Variants in BCR observed in about 807,000 individuals in gnomAD.
The protein encoded by BCR is breakpoint cluster region protein.
A neutral mutation model predicts 138.6 loss-of-function variants in BCR; 58 were observed. That is an observed-to-expected ratio of 0.42 (90% CI 0.34 to 0.52). The LOEUF (loss-of-function observed/expected upper bound fraction) is 0.52. Ranked by LOEUF, BCR falls within the 20% of genes least tolerant of loss-of-function variation. The pLI, the probability that BCR is intolerant of heterozygous loss-of-function variation, is 0.06. For synonymous variants in BCR, 786 were observed against 730.1 expected (o/e 1.08, Z -1.23); for missense variants, 1,599 against 1,727.2 (o/e 0.93, Z 1.32).
intron 1 of BCR, among the ~76,000 whole-genome samples, chr22:23,250,488 C>G (rs1568954739): frequency 6.6e-6 from 1 of 152,148 alleles, no homozygotes; most frequent in Admixed American, 6.5e-5. Flanking sequence ...CTGGCCCGAC[C>G]AAAAACAAAA....
intron 1 of BCR, among the ~76,000 whole-genome samples, chr22:23,246,855 T>C (rs1381002605): frequency 1.3e-5 from 2 of 152,050 alleles, no homozygotes; most frequent in Non-Finnish European, 2.9e-5. Flanking sequence ...TTCCCTGACC[T>C]TACCTGAGGT....
intron 1 of BCR, among the ~76,000 whole-genome samples, chr22:23,242,529 T>G (rs990005472): frequency 3.3e-5 from 5 of 152,238 alleles, no homozygotes; most frequent in Non-Finnish European, 7.3e-5. Flanking sequence ...CCAGCCTTTC[T>G]GCATTTGTAA....
At chr22:23,245,663 C>T (rs1160537479) in intron 1 of BCR, among the ~76,000 whole-genome samples, 3 of 152,084 alleles carry the variant, frequency 2.0e-5, no homozygotes, top group Non-Finnish European at 2.9e-5. Flanking sequence ...CACACATCTC[C>T]GAAAGCACTC....
At chr22:23,284,557 G>C (rs1018467362) in intron 9 of BCR, among the ~76,000 whole-genome samples, 2 of 152,198 alleles carry the variant, frequency 1.3e-5, no homozygotes, top group African/African-American at 4.8e-5. Context: ...CACTGGGAAG[G>C]ACCAGCACGG....
At chr22:23,274,863 TC>T (rs2073554509) in intron 8 of BCR, among the ~76,000 whole-genome samples, 1 of 123,540 alleles carries the variant, frequency 8.1e-6, no homozygotes, top group African/African-American at 3.1e-5. Context: ...AGCCGAGATC[TC>T]ACCACTGCAC....
chr22:23,228,600 C>T (rs1043692521), intron 1 of BCR, among the ~76,000 whole-genome samples: 1 of 152,116 alleles, frequency 6.6e-6, no homozygotes, highest in African/African-American at 2.4e-5. Flanking sequence ...TTTATTTTGC[C>T]TTCATTCCTG....
intron 1 of BCR, among the ~76,000 whole-genome samples, chr22:23,250,458 G>C (rs1268274685): frequency 6.6e-6 from 1 of 152,226 alleles, no homozygotes; most frequent in Non-Finnish European, 1.5e-5. Context: ...GTGGAAAAGA[G>C]GGATGAGGAA....
intron 4 of BCR, among the ~76,000 whole-genome samples, chr22:23,266,667 GGCCGCCGT>G (rs1442832028): frequency 6.6e-6 from 1 of 152,246 alleles, no homozygotes; most frequent in Non-Finnish European, 1.5e-5. Context: ...TAGGATTACA[GGCCGCCGT>G]GCCCAGACAA....
At chr22:23,294,935 G>C in intron 15 of BCR, 89 bp from the exon 16 acceptor site, 1 of 1,514,042 alleles carries the variant, frequency 6.6e-7, no homozygotes. Flanking sequence ...AGCAAGGGCA[G>C]CAGGGAGAGC....
At chr22:23,300,747 G>T (rs555660670) in intron 16 of BCR, among the ~76,000 whole-genome samples, 1 of 152,272 alleles carries the variant, frequency 6.6e-6, no homozygotes, top group Admixed American at 6.5e-5. Flanking sequence ...ACCCAGGCTG[G>T]CAGAGAAGTC....
chr22:23,306,253 G>C (rs572151231), intron 16 of BCR: 1 of 152,382 alleles, frequency 6.6e-6, no homozygotes, highest in Admixed American at 6.5e-5. Flanking sequence ...GTACCAGGTT[G>C]GAGTGGGCGC....
chr22:23,224,894 A>G (rs1019122313), intron 1 of BCR, among the ~76,000 whole-genome samples: 5 of 152,040 alleles, frequency 3.3e-5, no homozygotes, highest in African/African-American at 1.2e-4. Flanking sequence ...CCAAAAAAAC[A>G]AAACCTGGAC....
intron 1 of BCR, among the ~76,000 whole-genome samples, chr22:23,241,523 C>T (rs942104160): frequency 2.0e-5 from 3 of 152,180 alleles, no homozygotes; most frequent in Admixed American, 1.3e-4. Context: ...CCCACGCCAT[C>T]CTCCTTTGAA....
At position 23,263,321 on chromosome 22, in the gene BCR, C is replaced by T. The variant is rs2073393774; in HGVS notation, c.1752+1781C>T. ...GCTGGCTGTGGCACTTCACCAACTG[C>T]GACCTGCTCCGGCGCCAGATAGCCT... On this transcript the variant is annotated intron_variant, in intron 4 of 22. Coordinates refer to ENST00000305877, the MANE Select transcript of BCR (RefSeq NM_004327.4). The T allele has an allele frequency of 6.8e-6, 8 of 1,178,996 alleles. No homozygotes were observed. In the East Asian group the frequency reaches 7.0e-5, roughly 10 times the overall value. The allele number at this position is 1,178,996 out of a possible 1,614,324, so 73.0% of individuals were successfully genotyped here.
At chr22:23,246,668 A>G (rs2073160591) in intron 1 of BCR, among the ~76,000 whole-genome samples, 1 of 152,138 alleles carries the variant, frequency 6.6e-6, no homozygotes, top group African/African-American at 2.4e-5. Context: ...ATAGCAATCT[A>G]AAAGTTCATG....
chr22:23,225,948 G>A (rs1177230927), intron 1 of BCR, among the ~76,000 whole-genome samples: 2 of 152,194 alleles, frequency 1.3e-5, no homozygotes, highest in African/African-American at 2.4e-5. Flanking sequence ...AGGCTGCTTT[G>A]GATCCTTTTA....
Position 23,182,018 on chromosome 22 carries a change from T to C in BCR, c.1058T>C (p.Val353Ala). The C allele has an allele frequency of 6.2e-7, 1 of 1,612,946 alleles. No homozygotes were observed. Among genetic ancestry groups the C allele is most frequent in the Non-Finnish European group, 8.5e-7 (1 of 1,179,372 alleles). Residue 353 changes from valine to alanine, a missense_variant, in exon 1 of 23, where the codon GTG becomes GCG. Coordinates refer to ENST00000305877, the MANE Select transcript of BCR (RefSeq NM_004327.4). The part of the protein sequence containing the change: ...EDFSSGQSSR[V>A]SPSPTTYRMF... ...TTCTCCTCTGGCCAGTCCAGCCGCG[T>C]GTCCCCAAGCCCCACCACCTACCGC...
intron 1 of BCR, among the ~76,000 whole-genome samples, chr22:23,208,204 G>C (rs1478131615): frequency 2.0e-5 from 3 of 152,314 alleles, no homozygotes; most frequent in Middle Eastern, 3.4e-3. Flanking sequence ...TCTGGCATTT[G>C]TGAGAACCTT....
intron 1 of BCR, among the ~76,000 whole-genome samples, chr22:23,184,730 C>G (rs1191498459): frequency 6.6e-6 from 1 of 152,206 alleles, no homozygotes; most frequent in African/African-American, 2.4e-5. Flanking sequence ...AAAACTCCTG[C>G]TTCTTTTAGC....
Sources: allele counts gnomAD v4.1 joint callset (sites outside exome capture counted in the v4.1 genomes callset), GRCh38; gene constraint gnomAD v4.1.1; transcripts MANE v1.5; gene names NCBI Gene and HGNC (gene_info 2026-07-23, HGNC 2026-07-21).